Variants in PRKN observed in about 807,000 individuals in gnomAD.
The protein encoded by PRKN is parkin RBR E3 ubiquitin protein ligase, also known as E3 ubiquitin-protein ligase parkin.
A neutral mutation model predicts 59.5 loss-of-function variants in PRKN; 56 were observed. The ratio of observed to expected loss-of-function variants is 0.94; its 90% CI spans 0.76 to 1.18. The LOEUF (loss-of-function observed/expected upper bound fraction) is 1.18. PRKN is among the 50% of genes most tolerant of loss of function. The pLI is 0.00. For synonymous variants in PRKN, 250 were observed against 222.1 expected (o/e 1.13, Z -1.12); for missense variants, 657 against 596.4 (o/e 1.10, Z -1.06).
intron 5 of PRKN, among the ~76,000 whole-genome samples, chr6:162,022,374 T>C (rs1383528340): frequency 6.6e-6 from 1 of 152,344 alleles, no homozygotes; most frequent in East Asian, 1.9e-4. Flanking sequence ...ATAGCCATTC[T>C]GACTGGTATG....
At chr6:162,007,602 A>G (rs557040710) in intron 5 of PRKN, among the ~76,000 whole-genome samples, 262 of 152,192 alleles carry the variant, frequency 1.7e-3, no homozygotes, top group Non-Finnish European at 3.3e-3. Context: ...TAAGTTTTAT[A>G]GCAGAGCTGA....
In PRKN at chr6:162,414,709, T is replaced by TGAAAAAAAAAAAAAAAAAAAAAAAA. The variant is rs373871165; in HGVS notation, c.171+28600_171+28601insTTTTTTTTTTTTTTTTTTTTTTTTC. Among the ~76,000 whole-genome samples, 5 of 44,544 alleles carry TGAAAAAAAAAAAAAAAAAAAAAAAA rather than the reference T, an allele frequency of 1.1e-4. 1 individual carries two copies. Among genetic ancestry groups the TGAAAAAAAAAAAAAAAAAAAAAAAA allele is most frequent in the Admixed American group, 6.7e-4 (3 of 4,492 alleles). 29.2% of individuals were successfully genotyped at this position (44,544 alleles called of 152,430 possible). On this transcript the variant is annotated intron_variant, in intron 2 of 11. Transcript: ENST00000366898. ...CTGGTCAACTGAGCAAGACTCCGTCTCAAAAAAAAAAAAAAAAAGTGAATC... is the reference window on the plus strand; with the variant it reads ...CTGGTCAACTGAGCAAGACTCCGTCTGAAAAAAAAAAAAAAAAAAAAAAAACAAAAAAAAAAAAAAAAAGTGAATC...
chr6:162,157,055 C>T (rs2128315326), intron 4 of PRKN, among the ~76,000 whole-genome samples: 1 of 152,118 alleles, frequency 6.6e-6, no homozygotes, highest in Non-Finnish European at 1.5e-5. Flanking sequence ...ACTGAGTTAA[C>T]AGGAATATTT....
intron 4 of PRKN, among the ~76,000 whole-genome samples, chr6:162,081,699 C>G (rs1226041578): frequency 1.3e-5 from 2 of 152,092 alleles, no homozygotes; most frequent in Admixed American, 6.5e-5. Context: ...CTTAAAGTCA[C>G]CCACTGCATT....
intron 3 of PRKN, among the ~76,000 whole-genome samples, chr6:162,252,722 C>T (rs558687141): frequency 1.3e-5 from 2 of 152,342 alleles, no homozygotes; most frequent in African/African-American, 4.8e-5. Flanking sequence ...TCTTTCACTT[C>T]CCAGCATCTA....
intron 2 of PRKN, among the ~76,000 whole-genome samples, chr6:162,308,848 A>T (rs868120671): frequency 9.2e-5 from 14 of 152,226 alleles, no homozygotes; most frequent in Middle Eastern, 6.8e-3. Context: ...TGTACATGAG[A>T]AAAACCGTGG....
chr6:162,565,393 A>G (rs751660930), intron 1 of PRKN, among the ~76,000 whole-genome samples: 6 of 152,158 alleles, frequency 3.9e-5, no homozygotes, highest in Non-Finnish European at 8.8e-5. Context: ...CTTATAAATA[A>G]TAACATTGGC....
At chr6:161,823,212 C>A (rs1247192358) in intron 6 of PRKN, among the ~76,000 whole-genome samples, 6 of 151,788 alleles carry the variant, frequency 4.0e-5, no homozygotes, top group Admixed American at 2.0e-4. Context: ...ATTGGGATTG[C>A]AGGTGTGAGC....
chr6:162,656,581 G>A (rs967133037), intron 1 of PRKN, among the ~76,000 whole-genome samples: 1 of 152,158 alleles, frequency 6.6e-6, no homozygotes, highest in Non-Finnish European at 1.5e-5. Context: ...CACTGTCTCT[G>A]CCATAGCACA....
chr6:162,190,356 T>C (rs1784221907), intron 4 of PRKN, among the ~76,000 whole-genome samples: 1 of 152,162 alleles, frequency 6.6e-6, no homozygotes, highest in Admixed American at 6.6e-5. Flanking sequence ...ATCCCCACTT[T>C]AGAAAACAGA....
At chr6:162,212,212 T>C (rs2128074563) in intron 3 of PRKN, among the ~76,000 whole-genome samples, 1 of 152,224 alleles carries the variant, frequency 6.6e-6, no homozygotes, top group East Asian at 1.9e-4. Context: ...TCAAGTTGAA[T>C]GTCTGTAGCA....
rs528251285 is a variant in PRKN at position 161,552,352 on chromosome 6, G to A, written c.934-3349C>T. 8.1e-5 allele frequency among the ~76,000 whole-genome samples: 11 copies of A among 136,298 alleles called. 1 individual carries two copies. Among genetic ancestry groups the A allele is most frequent in the African/African-American group, 3.3e-4 (11 of 33,248 alleles). The allele number at this position is 136,298 out of a possible 152,430, so 89.4% of individuals were successfully genotyped here. On this transcript the variant is annotated intron_variant, in intron 8 of 11. Coordinates refer to ENST00000366898, the MANE Select transcript of PRKN (RefSeq NM_004562.3). This position sits in a 1 kb window ranked among gnomAD's most constrained non-coding sequence, Gnocchi z 4.9. ...CGCCTATGACTGTGAATGATCTCAC[G>A]GTGATCCTCCAAGCCCCTCTCCCTC... is the stretch of plus-strand genomic sequence containing the variant.
Position 162,253,034 on chromosome 6 carries a change from T to C in PRKN, c.412+9491A>G, listed in dbSNP as rs568198497. Among the ~76,000 whole-genome samples the C allele has an allele frequency of 2.6e-5, 4 of 152,346 alleles. No individual in the cohort carries two copies. The East Asian group carries it at 5.8e-4, about 22-fold the overall frequency. Reference sequence around the variant, plus strand: ...GGAGCCTGCCTTCCAGCGGGCAGCCTACCACCTGCGTGTGCTATTCTGGTG... The same window carrying C: ...GGAGCCTGCCTTCCAGCGGGCAGCCCACCACCTGCGTGTGCTATTCTGGTG... On this transcript the variant is annotated intron_variant, in intron 3 of 11. Coordinates refer to ENST00000366898, the MANE Select transcript of PRKN (RefSeq NM_004562.3).
At chr6:161,507,128 C>T (rs1248447137) in intron 9 of PRKN, among the ~76,000 whole-genome samples, 1 of 152,184 alleles carries the variant, frequency 6.6e-6, no homozygotes, top group Non-Finnish European at 1.5e-5. Flanking sequence ...CCTAAACAAC[C>T]TTCCTGAAAG....
At chr6:161,938,267 A>T (rs1201599545) in intron 6 of PRKN, among the ~76,000 whole-genome samples, 1 of 152,228 alleles carries the variant, frequency 6.6e-6, no homozygotes, top group Non-Finnish European at 1.5e-5. Flanking sequence ...ATCCTGGCAC[A>T]TTAGAAGCAT....
At chr6:162,642,712 A>G (rs1213955695) in intron 1 of PRKN, among the ~76,000 whole-genome samples, 2 of 151,870 alleles carry the variant, frequency 1.3e-5, no homozygotes, top group Non-Finnish European at 2.9e-5. Context: ...AAATTGAAAT[A>G]TCATAGAAAA....
intron 7 of PRKN, among the ~76,000 whole-genome samples, chr6:161,754,764 A>G (rs1341306398): frequency 6.6e-6 from 1 of 152,234 alleles, no homozygotes; most frequent in East Asian, 1.9e-4. Flanking sequence ...TATTCCTCAT[A>G]TCTAGCTCAC....
chr6:162,395,065 AATCAACTCACCTAT>A (rs1787408479), intron 2 of PRKN, among the ~76,000 whole-genome samples: 1 of 152,128 alleles, frequency 6.6e-6, no homozygotes, highest in African/African-American at 2.4e-5. Context: ...ATACTATCTC[AATCAACTCACCTAT>A]GTAACTTTAT....
At chr6:161,507,233 C>T (rs1583166596) in intron 9 of PRKN, among the ~76,000 whole-genome samples, 1 of 152,154 alleles carries the variant, frequency 6.6e-6, no homozygotes, top group South Asian at 2.1e-4. Flanking sequence ...GGTGACTAGG[C>T]TTTAAGTTCC....
Sources: allele counts gnomAD v4.1 joint callset (sites outside exome capture counted in the v4.1 genomes callset), GRCh38; gene constraint gnomAD v4.1.1; non-coding constraint Gnocchi (gnomAD v3.1); transcripts MANE v1.5; gene names NCBI Gene and HGNC (gene_info 2026-07-23, HGNC 2026-07-21).